DCDC1: variants seen among roughly 807,000 people sequenced by gnomAD.
The protein encoded by DCDC1 is doublecortin domain-containing protein 1.
A neutral mutation model predicts 178.3 loss-of-function variants in DCDC1; 200 were observed. The observed-to-expected ratio is 1.12, with a 90% CI of 1.00 to 1.26. DCDC1 has a LOEUF of 1.26. Ranked by LOEUF, DCDC1 falls within the 50% of genes most tolerant of loss-of-function variation. DCDC1 has a pLI of 0.00. For missense variants in DCDC1, 1,983 were observed against 1,749.2 expected, an observed-to-expected ratio of 1.13 and a Z score of -2.38; for synonymous variants, 690 against 604.8, an observed-to-expected ratio of 1.14 and a Z score of -2.07.
At chr11:31,161,265 T>C (rs1359625562) in intron 9 of DCDC1, among the ~76,000 whole-genome samples, 1 of 152,112 alleles carries the variant, frequency 6.6e-6, no homozygotes, top group Non-Finnish European at 1.5e-5. Flanking sequence ...GGGGAGTCAA[T>C]GCGTAATTTC....
chr11:31,152,571 G>T (rs1261313648), intron 9 of DCDC1, among the ~76,000 whole-genome samples: 1 of 152,060 alleles, frequency 6.6e-6, no homozygotes, highest in Non-Finnish European at 1.5e-5. Context: ...AATCTCTTTG[G>T]GTCGCCTTTC....
At chr11:31,245,078 T>C (rs1029826453) in intron 8 of DCDC1, among the ~76,000 whole-genome samples, 2 of 151,786 alleles carry the variant, frequency 1.3e-5, no homozygotes, top group Admixed American at 6.6e-5. Context: ...TCCCCACCTA[T>C]TAATATATTC....
chr11:31,201,722 C>T (rs768644286), intron 9 of DCDC1, among the ~76,000 whole-genome samples: 8 of 149,562 alleles, frequency 5.3e-5, no homozygotes, highest in Non-Finnish European at 1.0e-4. Context: ...GGGGTTGCCA[C>T]ATTAAGAAAA....
At chr11:30,904,388 T>A (rs1433755665) in intron 31 of DCDC1, 1 of 156,964 alleles carries the variant, frequency 6.4e-6, no homozygotes, top group Non-Finnish European at 1.4e-5. Context: ...GAGTGAATAG[T>A]CAAGATAATC....
intron 6 of DCDC1, among the ~76,000 whole-genome samples, chr11:31,295,409 C>T (rs1486675039): frequency 6.6e-6 from 1 of 152,160 alleles, no homozygotes; most frequent in African/African-American, 2.4e-5. Context: ...GGCTAGTGCA[C>T]CCAAACTCCA....
At chr11:30,981,278 A>G (rs183125947) in intron 20 of DCDC1, among the ~76,000 whole-genome samples, 60 of 152,268 alleles carry the variant, frequency 3.9e-4, no homozygotes, top group Middle Eastern at 3.4e-3. Context: ...TAGAACCCCA[A>G]ATCTCACCAC....
intron 17 of DCDC1, among the ~76,000 whole-genome samples, chr11:31,078,768 T>C (rs1168298654): frequency 2.0e-5 from 3 of 152,156 alleles, no homozygotes; most frequent in African/African-American, 7.2e-5. Flanking sequence ...ACAATGTAGG[T>C]GTCTAGAATC....
chr11:31,271,331 A>T (rs1336455132), intron 7 of DCDC1, among the ~76,000 whole-genome samples: 2 of 152,158 alleles, frequency 1.3e-5, no homozygotes, highest in African/African-American at 4.8e-5. Context: ...TGTATTATCC[A>T]TCATTTCTTC....
At chr11:31,121,677 A>AGCCC (rs1231856532) in intron 11 of DCDC1, among the ~76,000 whole-genome samples, 1 of 151,844 alleles carries the variant, frequency 6.6e-6, no homozygotes, top group Non-Finnish European at 1.5e-5. Context: ...CCCTGCCTCC[A>AGCCC]GCCCCTGGTT....
chr11:31,322,233 C>T (rs190038363), intron 3 of DCDC1, among the ~76,000 whole-genome samples: 2 of 152,128 alleles, frequency 1.3e-5, no homozygotes, highest in East Asian at 1.9e-4. Flanking sequence ...ATTATGACAG[C>T]GTGCAAAAAT....
intron 20 of DCDC1, among the ~76,000 whole-genome samples, chr11:30,954,261 G>A (rs1048327991): frequency 5.9e-5 from 9 of 151,498 alleles, no homozygotes; most frequent in African/African-American, 1.5e-4. Context: ...GTGATCTGCC[G>A]GCCTCGGCCT....
chr11:31,165,319 T>C (rs1966673434), intron 9 of DCDC1, among the ~76,000 whole-genome samples: 1 of 152,206 alleles, frequency 6.6e-6, no homozygotes, highest in Non-Finnish European at 1.5e-5. Context: ...CAACTTTTTA[T>C]ATGTTTGAAA....
intron 15 of DCDC1, among the ~76,000 whole-genome samples, chr11:31,101,705 G>A (rs1958511934): frequency 6.6e-6 from 1 of 152,164 alleles, no homozygotes; most frequent in Non-Finnish European, 1.5e-5. Flanking sequence ...TTAACAGGAA[G>A]TAAAGAATAA....
intron 13 of DCDC1, among the ~76,000 whole-genome samples, chr11:31,104,161 A>T (rs1200556665): frequency 1.3e-5 from 2 of 152,074 alleles, no homozygotes. Context: ...GCCACGAACA[A>T]CTATTTCTGT....
At chr11:31,202,356 A>G (rs1971387880) in intron 9 of DCDC1, among the ~76,000 whole-genome samples, 1 of 151,890 alleles carries the variant, frequency 6.6e-6, no homozygotes, top group Admixed American at 6.6e-5. Flanking sequence ...TGAGTCCAGG[A>G]GTTTGAGATC....
At chr11:31,088,230 G>A (rs774123014) in intron 17 of DCDC1, among the ~76,000 whole-genome samples, 2 of 151,824 alleles carry the variant, frequency 1.3e-5, no homozygotes, top group Non-Finnish European at 2.9e-5. Flanking sequence ...CTTATAGGTA[G>A]CATATAGATG....
At chr11:30,999,562 G>A (rs532548093) in intron 20 of DCDC1, among the ~76,000 whole-genome samples, 11 of 152,104 alleles carry the variant, frequency 7.2e-5, no homozygotes, top group African/African-American at 2.2e-4. Context: ...ACATGTGAAC[G>A]TAATGCCAGC....
chr11:31,293,658 C>T (rs952422278), intron 6 of DCDC1, among the ~76,000 whole-genome samples: 6 of 152,168 alleles, frequency 3.9e-5, no homozygotes, highest in African/African-American at 4.8e-5. Context: ...TATAGCCAGA[C>T]TCCATTTATG....
intron 9 of DCDC1, among the ~76,000 whole-genome samples, chr11:31,182,951 C>A (rs896333133): frequency 6.6e-6 from 1 of 151,916 alleles, no homozygotes; most frequent in Non-Finnish European, 1.5e-5. Flanking sequence ...GGGTTGCAAT[C>A]CTAATCTCTG....
Sources: gnomAD v4.1 joint callset for allele counts (sites outside exome capture counted in the v4.1 genomes callset) on GRCh38, gnomAD v4.1.1 for gene constraint, MANE v1.5 for transcripts, NCBI Gene and HGNC (gene_info 2026-07-23, HGNC 2026-07-21) for gene names.